Variants in PHLPP1 observed in about 807,000 individuals in gnomAD.
The protein encoded by PHLPP1 is PH domain and leucine rich repeat protein phosphatase 1, also known as PH domain leucine-rich repeat-containing protein phosphatase 1.
A neutral mutation model predicts 117.2 loss-of-function variants in PHLPP1; 42 were observed. The observed-to-expected ratio is 0.36, with a 90% confidence interval of 0.28 to 0.46. PHLPP1 has a LOEUF of 0.46. PHLPP1 is among the 20% of genes least tolerant of loss of function. The pLI is 1.00. For synonymous variants in PHLPP1, 1,042 were observed against 970.7 expected (o/e 1.07, Z -1.37); for missense variants, 2,084 against 2,241.9 (o/e 0.93, Z 1.42).
chr18:62,792,868 CAA>C (rs71160870), intron 1 of PHLPP1, among the ~76,000 whole-genome samples: 19 of 56,844 alleles, frequency 3.3e-4, no homozygotes, highest in South Asian at 2.4e-3. Context: ...GCCTCTGTCT[CAA>C]AAAAAAAAAA....
Position 62,716,089 on chromosome 18 carries a change from G to A in PHLPP1, c.406G>A (p.Ala136Thr). ...LKRNLSAAAA[A>T]ASSSSSSSAA... ...GAGGAATCTGTCCGCGGCCGCCGCG[G>A]CCGCCTCCTCGTCGTCGTCGTCCTC... Residue 136 changes from alanine (A) to threonine (T), a missense_variant, in exon 1 of 17, where the codon GCC (alanine) becomes ACC (threonine). This residue lies in a region of PHLPP1 where 719 missense variants were observed against 636.0 expected (regional missense o/e 1.13). Coordinates refer to ENST00000262719, the MANE Select transcript of PHLPP1 (RefSeq NM_194449.4). This position sits in a 1 kb window ranked among gnomAD's most constrained non-coding sequence, Gnocchi z 5.7. 1 of 1,494,118 alleles carries A rather than the reference G, an allele frequency of 6.7e-7. No homozygotes were observed. The highest frequency in any genetic ancestry group is 8.8e-7 in the Non-Finnish European group (1 of 1,130,504). The allele number at this position is 1,494,118 out of a possible 1,614,324, so 92.6% of individuals were successfully genotyped here. A position where few individuals can be genotyped will look rare whatever the true frequency, so the allele number is the denominator to read the frequency against.
chr18:62,778,036 A>G (rs1261083644), intron 1 of PHLPP1, among the ~76,000 whole-genome samples: 2 of 152,220 alleles, frequency 1.3e-5, no homozygotes, highest in African/African-American at 2.4e-5. Flanking sequence ...ATGTCATACC[A>G]TATGACAAGG....
At chr18:62,888,469 G>A (rs1253605676) in intron 4 of PHLPP1, among the ~76,000 whole-genome samples, 3 of 152,096 alleles carry the variant, frequency 2.0e-5, no homozygotes, top group African/African-American at 4.8e-5. Flanking sequence ...GGGAGGCTGA[G>A]GCAGGTAGAC....
At chr18:62,926,663 G>A (rs986736849) in intron 10 of PHLPP1, among the ~76,000 whole-genome samples, 2 of 152,066 alleles carry the variant, frequency 1.3e-5, no homozygotes, top group East Asian at 3.8e-4. Flanking sequence ...GCCCTACCCT[G>A]ACCTACTTAA....
chr18:62,769,648 C>T (rs961865563), intron 1 of PHLPP1, among the ~76,000 whole-genome samples: 4 of 152,050 alleles, frequency 2.6e-5, no homozygotes, highest in African/African-American at 9.7e-5. Context: ...TTTCACTTTA[C>T]AAATAATGTA....
At chr18:62,894,986 C>G in intron 4 of PHLPP1, 25 bp from the exon 5 acceptor site, 1 of 1,549,086 alleles carries the variant, frequency 6.5e-7, no homozygotes, top group South Asian at 1.2e-5. Context: ...TCTTTTTTCC[C>G]TTTTGTTTTG....
At chr18:62,870,159 A>G (rs144206915) in intron 4 of PHLPP1, among the ~76,000 whole-genome samples, 2 of 152,212 alleles carry the variant, frequency 1.3e-5, no homozygotes, top group African/African-American at 4.8e-5. Context: ...GTCTCCCACA[A>G]TGCTGGAATT....
intron 12 of PHLPP1, among the ~76,000 whole-genome samples, chr18:62,957,350 A>G (rs552955496): frequency 1.3e-5 from 2 of 152,228 alleles, no homozygotes; most frequent in East Asian, 1.9e-4. Flanking sequence ...TTTGTAACCA[A>G]CATGACCCTT....
chr18:62,935,868 T>C (rs1909953645), intron 10 of PHLPP1, among the ~76,000 whole-genome samples: 1 of 152,000 alleles, frequency 6.6e-6, no homozygotes, highest in Non-Finnish European at 1.5e-5. Flanking sequence ...GCCGGGCTGG[T>C]GATGCATGCC....
chr18:62,920,861 C>T (rs1784488764), intron 10 of PHLPP1, among the ~76,000 whole-genome samples: 1 of 152,130 alleles, frequency 6.6e-6, no homozygotes, highest in Non-Finnish European at 1.5e-5. Context: ...ACGCCTAGGA[C>T]TTATTGTTTT....
chr18:62,821,912 C>T (rs1914469864), intron 1 of PHLPP1, among the ~76,000 whole-genome samples: 1 of 152,016 alleles, frequency 6.6e-6, no homozygotes. Flanking sequence ...GCGCATGCCA[C>T]TATGCCCATC....
At chr18:62,767,909 G>T (rs1912604055) in intron 1 of PHLPP1, among the ~76,000 whole-genome samples, 1 of 152,182 alleles carries the variant, frequency 6.6e-6, no homozygotes, top group Non-Finnish European at 1.5e-5. Flanking sequence ...GGTTTGGAAT[G>T]AAAAATGCTA....
chr18:62,847,112 C>T (rs1385148588), intron 3 of PHLPP1, among the ~76,000 whole-genome samples: 2 of 152,134 alleles, frequency 1.3e-5, no homozygotes, highest in African/African-American at 2.4e-5. Flanking sequence ...ACAAAAGAAG[C>T]GTGTTTTTGT....
chr18:62,929,081 T>C (rs1160889582), intron 10 of PHLPP1, among the ~76,000 whole-genome samples: 1 of 152,144 alleles, frequency 6.6e-6, no homozygotes, highest in African/African-American at 2.4e-5. Context: ...CACAAGTTTG[T>C]GAAAAAAACT....
chr18:62,903,057 A>G lies in PHLPP1; in HGVS notation c.2538A>G (p.Leu846=), dbSNP rs1916765061. ...TACGAGACAATAAGCTTGGTGATCTAGATGCTATGATTTTCAACAACATTG... is the reference window on the plus strand; with the variant it reads ...TACGAGACAATAAGCTTGGTGATCTGGATGCTATGATTTTCAACAACATTG... The part of the protein sequence containing the change: ...LDLRDNKLGD[L]DAMIFNNIEV... Residue 846 remains leucine (L), a synonymous_variant, in exon 7 of 17, where the codon CTA becomes CTG. Coordinates refer to ENST00000262719, the MANE Select transcript of PHLPP1 (RefSeq NM_194449.4). 6.2e-7 allele frequency: 1 copy of G among 1,612,788 alleles called. No individual in the cohort carries two copies.
rs1332058623 is a variant in PHLPP1, at chr18:62,978,311, C to T, written c.4034C>T (p.Thr1345Ile). Reference sequence around the variant, plus strand: ...GAGTCCACGCGCATCCTGGGCTACACCTTCCTCCATCCCAGTGTGGTGCCT... The same window carrying T: ...GAGTCCACGCGCATCCTGGGCTACATCTTCCTCCATCCCAGTGTGGTGCCT... ...VTESTRILGY[T>I]FLHPSVVPRP... The change falls in exon 17 of 17, where the codon ACC (threonine) becomes ATC (isoleucine). Residue 1345 changes from threonine (T) to isoleucine (I), a missense_variant. Thr to Ile is a moderately conservative substitution (Grantham distance 89). This residue lies in a region of PHLPP1 where 1,365 missense variants were observed against 1,605.9 expected (regional missense o/e 0.85). Coordinates refer to ENST00000262719, the MANE Select transcript of PHLPP1 (RefSeq NM_194449.4). The surrounding 1 kb of genome is among the most constrained non-coding windows in gnomAD (Gnocchi z 7.0). 1.6e-5 allele frequency: 26 copies of T among 1,613,118 alleles called. No homozygotes were observed. The highest frequency in any genetic ancestry group is 2.2e-5 in the East Asian group (1 of 44,874).
intron 1 of PHLPP1, among the ~76,000 whole-genome samples, chr18:62,769,921 T>C (rs1029432863): frequency 6.6e-6 from 1 of 152,210 alleles, no homozygotes; most frequent in African/African-American, 2.4e-5. Context: ...TCAAATGCCA[T>C]GCTTGAAGAA....
intron 1 of PHLPP1, among the ~76,000 whole-genome samples, chr18:62,772,294 A>G (rs759003555): frequency 8.5e-5 from 13 of 152,318 alleles, no homozygotes; most frequent in Middle Eastern, 3.4e-3. Flanking sequence ...TTATTTCATC[A>G]TTATATCGTA....
chr18:62,970,097 T>C (rs1911011671), intron 14 of PHLPP1, among the ~76,000 whole-genome samples: 1 of 152,204 alleles, frequency 6.6e-6, no homozygotes, highest in Non-Finnish European at 1.5e-5. Context: ...TTATTTATTC[T>C]TATTCTACCG....
Sources: gnomAD v4.1 joint callset for allele counts (sites outside exome capture counted in the v4.1 genomes callset) on GRCh38, gnomAD v4.1.1 for gene constraint, gnomAD v4.1.1 regional missense constraint, Gnocchi (gnomAD v3.1) non-coding constraint, MANE v1.5 for transcripts, NCBI Gene and HGNC (gene_info 2026-07-23, HGNC 2026-07-21) for gene names.